ZNF804A: variants seen among roughly 807,000 people sequenced by gnomAD.
The protein encoded by ZNF804A is zinc finger protein 804A.
Under a neutral mutation model 16.5 loss-of-function variants are expected in ZNF804A, and 2 were observed. The observed-to-expected ratio is 0.12, with a 90% CI of 0.05 to 0.38. The LOEUF is 0.38. Among genes scored for constraint, ZNF804A ranks in the 10% least tolerant of loss-of-function variants. ZNF804A has a pLI of 0.99. For synonymous variants in ZNF804A, 534 were observed against 489.6 expected, an observed-to-expected ratio of 1.09 and a Z score of -1.20; for missense variants, 1,473 against 1,390.7, an observed-to-expected ratio of 1.06 and a Z score of -0.94.
intron 3 of ZNF804A, among the ~76,000 whole-genome samples, chr2:184,935,381 C>G (rs908627131): frequency 7.9e-5 from 12 of 152,062 alleles, no homozygotes; most frequent in Non-Finnish European, 1.5e-4. Flanking sequence ...TTGTTTAGAA[C>G]TTTCATCATA....
intron 1 of ZNF804A, among the ~76,000 whole-genome samples, chr2:184,857,659 A>G (rs1695719960): frequency 6.6e-6 from 1 of 152,132 alleles, no homozygotes; most frequent in African/African-American, 2.4e-5. Context: ...ACACACTACA[A>G]TATTTATATG....
chr2:184,746,528 A>G (rs1693792243), intron 1 of ZNF804A, among the ~76,000 whole-genome samples: 1 of 151,538 alleles, frequency 6.6e-6, no homozygotes, highest in African/African-American at 2.4e-5. Flanking sequence ...TCAAACAATT[A>G]TCATTTATTT....
At chr2:184,904,888 T>A (rs939433577) in intron 2 of ZNF804A, among the ~76,000 whole-genome samples, 19 of 152,116 alleles carry the variant, frequency 1.2e-4, no homozygotes, top group Admixed American at 9.2e-4. Context: ...TTCACCAACA[T>A]TAAGTATTAT....
chr2:184,752,877 C>G (rs1253350735), intron 1 of ZNF804A, among the ~76,000 whole-genome samples: 1 of 151,500 alleles, frequency 6.6e-6, no homozygotes, highest in Non-Finnish European at 1.5e-5. Context: ...CTCCACACTG[C>G]TAATCATCAG....
intron 1 of ZNF804A, among the ~76,000 whole-genome samples, chr2:184,659,451 A>G (rs570075312): frequency 1.3e-5 from 2 of 152,210 alleles, no homozygotes; most frequent in South Asian, 4.1e-4. Flanking sequence ...AAACAGTTTT[A>G]GTGTTTTATA....
At chr2:184,776,728 C>T (rs2105771596) in intron 1 of ZNF804A, among the ~76,000 whole-genome samples, 1 of 151,552 alleles carries the variant, frequency 6.6e-6, no homozygotes, top group South Asian at 2.1e-4. Context: ...TATATTTTTA[C>T]CACATGGAAC....
At chr2:184,736,914 T>C (rs76903200) in intron 1 of ZNF804A, among the ~76,000 whole-genome samples, 2,264 of 151,604 alleles carry the variant, frequency 0.015, 25 homozygotes, top group Admixed American at 0.031. Flanking sequence ...CTATACTAAA[T>C]AGTGGTGGTA....
At chr2:184,795,416 A>G (rs1004825978) in intron 1 of ZNF804A, among the ~76,000 whole-genome samples, 3 of 152,134 alleles carry the variant, frequency 2.0e-5, no homozygotes, top group African/African-American at 7.2e-5. Flanking sequence ...CAGTACAACA[A>G]AGGTGGTGCT....
chr2:184,777,029 A>G (rs1694299205), intron 1 of ZNF804A, among the ~76,000 whole-genome samples: 1 of 151,616 alleles, frequency 6.6e-6, no homozygotes, highest in Admixed American at 6.6e-5. Context: ...GATGTAAAAG[A>G]GAGCAGAGAA....
At chr2:184,887,875 A>G in intron 2 of ZNF804A, among the ~76,000 whole-genome samples, 1 of 152,346 alleles carries the variant, frequency 6.6e-6, no homozygotes, top group East Asian at 1.9e-4. Flanking sequence ...ACAGGAACAG[A>G]AAACCAAATA....
intron 2 of ZNF804A, among the ~76,000 whole-genome samples, chr2:184,895,917 G>A (rs1685057693): frequency 6.6e-6 from 1 of 151,878 alleles, no homozygotes; most frequent in Non-Finnish European, 1.5e-5. Context: ...AATATATATA[G>A]TTCTCTATTC....
chr2:184,879,812 T>A (rs569344027), intron 2 of ZNF804A, among the ~76,000 whole-genome samples: 2 of 152,148 alleles, frequency 1.3e-5, no homozygotes, highest in South Asian at 4.1e-4. Context: ...TGCCAAGAAA[T>A]GCCAAGATGA....
chr2:184,814,421 TGGACAC>T (rs1694947772), intron 1 of ZNF804A, among the ~76,000 whole-genome samples: 1 of 152,042 alleles, frequency 6.6e-6, no homozygotes, highest in Non-Finnish European at 1.5e-5. Context: ...ATTAAGGAGC[TGGACAC>T]TGTACAACTC....
chr2:184,765,738 AAG>A (rs1694114992), intron 1 of ZNF804A, among the ~76,000 whole-genome samples: 2 of 152,044 alleles, frequency 1.3e-5, no homozygotes, highest in South Asian at 4.2e-4. Flanking sequence ...TCAGTGTCTG[AAG>A]AGTTTTGTAT....
chr2:184,756,765 T>C (rs188709941), intron 1 of ZNF804A, among the ~76,000 whole-genome samples: 39 of 152,168 alleles, frequency 2.6e-4, no homozygotes, highest in African/African-American at 7.2e-4. Context: ...TAGGTGTAAC[T>C]ATGTAGATAC....
At chr2:184,753,739 C>T (rs918336512) in intron 1 of ZNF804A, among the ~76,000 whole-genome samples, 4 of 151,582 alleles carry the variant, frequency 2.6e-5, no homozygotes, top group African/African-American at 9.7e-5. Flanking sequence ...GACAGACACT[C>T]AAAAAAATCA....
At chr2:184,616,326 A>G (rs1304231744) in intron 1 of ZNF804A, among the ~76,000 whole-genome samples, 1 of 152,138 alleles carries the variant, frequency 6.6e-6, no homozygotes, top group Non-Finnish European at 1.5e-5. Context: ...AGCAAAAACT[A>G]CAATTAACTT....
At chr2:184,835,613 C>A (rs1260364885) in intron 1 of ZNF804A, among the ~76,000 whole-genome samples, 1 of 150,312 alleles carries the variant, frequency 6.7e-6, no homozygotes, top group Non-Finnish European at 1.5e-5. Context: ...ACTGTAATAA[C>A]TATCAGAACA....
At chr2:184,743,963 T>A (rs1381844576) in intron 1 of ZNF804A, among the ~76,000 whole-genome samples, 3 of 151,960 alleles carry the variant, frequency 2.0e-5, no homozygotes, top group African/African-American at 7.2e-5. Flanking sequence ...TGTGTGGTCA[T>A]CATTATATTG....
Sources: allele counts gnomAD v4.1 joint callset (sites outside exome capture counted in the v4.1 genomes callset), GRCh38; gene constraint gnomAD v4.1.1; transcripts MANE v1.5; gene names NCBI Gene and HGNC (gene_info 2026-07-23, HGNC 2026-07-21).